The following EHBP1 variants were observed in gnomAD, a reference collection of about 807,000 sequenced individuals.
EHBP1 encodes the protein EH domain binding protein 1, also known as EH domain-binding protein 1.
Under a neutral mutation model 144.0 loss-of-function variants are expected in EHBP1, and 55 were observed. That is an observed-to-expected ratio of 0.38 (90% CI 0.31 to 0.48). EHBP1 has a LOEUF of 0.48. Among genes scored for constraint, EHBP1 ranks in the 20% least tolerant of loss-of-function variants. EHBP1 has a pLI of 0.98. For missense variants in EHBP1, 1,200 were observed against 1,364.2 expected (o/e 0.88, Z 1.90); for synonymous variants, 469 against 472.7 (o/e 0.99, Z 0.10).
At chr2:62,742,485 T>A (rs1398067986) in intron 2 of EHBP1, among the ~76,000 whole-genome samples, 1 of 152,062 alleles carries the variant, frequency 6.6e-6, no homozygotes, top group Non-Finnish European at 1.5e-5. Context: ...CTAAGATACT[T>A]ACCCTGGAGA....
intron 14 of EHBP1, among the ~76,000 whole-genome samples, chr2:62,963,148 C>T (rs758619598): frequency 2.0e-5 from 3 of 152,146 alleles, no homozygotes. Flanking sequence ...CACACAGTGA[C>T]TTTTTTTAAG....
chr2:62,767,638 C>T (rs2041296158), intron 4 of EHBP1, among the ~76,000 whole-genome samples: 1 of 151,732 alleles, frequency 6.6e-6, no homozygotes, highest in African/African-American at 2.4e-5. Flanking sequence ...AGTTCAAGAC[C>T]ATCCTGGGCA....
intron 21 of EHBP1, chr2:63,044,496 T>C (rs2061844926): frequency 6.6e-6 from 1 of 152,118 alleles, no homozygotes; most frequent in Non-Finnish European, 1.5e-5. Flanking sequence ...AAATGCTAAT[T>C]AGCCGATTCA....
At chr2:63,005,361 C>A (rs1412151908) in intron 19 of EHBP1, among the ~76,000 whole-genome samples, 1 of 152,076 alleles carries the variant, frequency 6.6e-6, no homozygotes, top group African/African-American at 2.4e-5. Context: ...ATATGACTTA[C>A]TGCAGGAGAG....
chr2:63,046,460 A>G lies in EHBP1; in HGVS notation c.*960A>G, dbSNP rs1050947551. ...ATACTGAGTCATATATAAATTTTCAATAAAAGCAGAAACTTTCTTACCTTA... is the reference window on the plus strand; with the variant it reads ...ATACTGAGTCATATATAAATTTTCAGTAAAAGCAGAAACTTTCTTACCTTA... On this transcript the variant is annotated 3_prime_UTR_variant, in exon 23 of 23. Coordinates refer to ENST00000431489, the MANE Select transcript of EHBP1 (RefSeq NM_001142616.3). 6.6e-6 allele frequency: 1 copy of G among 152,642 alleles called. No individual in the cohort carries two copies. Among genetic ancestry groups the G allele is most frequent in the Admixed American group, 6.5e-5 (1 of 15,288 alleles). 9.5% of individuals were successfully genotyped at this position (152,642 alleles called of 1,614,324 possible).
At position 62,686,189 on chromosome 2, in the gene EHBP1, C is replaced by A. The variant is rs187714564; in HGVS notation, c.-296+12106C>A. The stretch of plus-strand genomic sequence containing the variant: ...AGTGTGAGTGAGGCTTTGTGCTGAA[C>A]AAAAGGAAGACAGCTCTACATTAAA... On this transcript the variant is annotated intron_variant, in intron 1 of 22. Transcript: ENST00000405015. 2.9e-4 allele frequency among the ~76,000 whole-genome samples: 44 copies of A among 152,272 alleles called. 1 individual carries two copies. In the East Asian group the frequency reaches 8.5e-3, roughly 29 times the overall value.
intron 10 of EHBP1, among the ~76,000 whole-genome samples, chr2:62,935,149 G>A (rs1037942582): frequency 1.3e-5 from 2 of 151,838 alleles, no homozygotes; most frequent in African/African-American, 4.8e-5. Flanking sequence ...CCAACATGGT[G>A]AAACCGTGTC....
intron 1 of EHBP1, among the ~76,000 whole-genome samples, chr2:62,676,571 G>T (rs184137157): frequency 1.8e-4 from 27 of 152,290 alleles, no homozygotes; most frequent in African/African-American, 5.8e-4. Flanking sequence ...ATGATCCTGC[G>T]GGACTGTGTA....
intron 2 of EHBP1, among the ~76,000 whole-genome samples, chr2:62,707,981 T>C (rs1169683751): frequency 2.6e-5 from 4 of 152,200 alleles, no homozygotes; most frequent in African/African-American, 4.8e-5. Flanking sequence ...TCCATTGCCC[T>C]GAATGATAAA....
intron 15 of EHBP1, among the ~76,000 whole-genome samples, chr2:62,990,011 A>C (rs887051670): frequency 2.0e-5 from 3 of 152,140 alleles, no homozygotes; most frequent in African/African-American, 2.4e-5. Flanking sequence ...AATGGTGGAC[A>C]TATCTATTGC....
At chr2:62,766,668 A>C (rs1318973256) in intron 4 of EHBP1, among the ~76,000 whole-genome samples, 1 of 152,002 alleles carries the variant, frequency 6.6e-6, no homozygotes, top group Non-Finnish European at 1.5e-5. Context: ...TTTTGCCTTT[A>C]CTTACTCTAA....
intron 15 of EHBP1, among the ~76,000 whole-genome samples, chr2:62,989,977 C>A (rs1221280503): frequency 6.6e-6 from 1 of 152,046 alleles, no homozygotes; most frequent in African/African-American, 2.4e-5. Flanking sequence ...AGTTATTAAT[C>A]TTTATGAAAA....
chr2:62,746,261 G>A (rs1190713320), intron 2 of EHBP1, among the ~76,000 whole-genome samples: 1 of 151,642 alleles, frequency 6.6e-6, no homozygotes, highest in African/African-American at 2.4e-5. Context: ...TGAACAAGGT[G>A]TTTTTTTTGT....
chr2:62,929,195 A>G (rs1018605090), intron 10 of EHBP1, among the ~76,000 whole-genome samples: 10 of 152,214 alleles, frequency 6.6e-5, no homozygotes, highest in Non-Finnish European at 1.3e-4. Flanking sequence ...AAACGTTTCC[A>G]AAACATTGGA....
chr2:63,000,633 G>T (rs1477517956), intron 19 of EHBP1, among the ~76,000 whole-genome samples: 1 of 152,128 alleles, frequency 6.6e-6, no homozygotes, highest in Non-Finnish European at 1.5e-5. Context: ...GGTAGCGGAG[G>T]TTGTAGTGAG....
chr2:63,040,615 T>G (rs1429524909), intron 21 of EHBP1, among the ~76,000 whole-genome samples: 1 of 152,262 alleles, frequency 6.6e-6, no homozygotes, highest in African/African-American at 2.4e-5. Flanking sequence ...ATTATCATTC[T>G]CTTTTGTGTT....
At chr2:62,884,544 A>T (rs914850059) in intron 10 of EHBP1, among the ~76,000 whole-genome samples, 1 of 152,178 alleles carries the variant, frequency 6.6e-6, no homozygotes, top group African/African-American at 2.4e-5. Context: ...GTGCAAATCC[A>T]TGCTCATTCA....
chr2:62,735,937 A>AT (rs1460921367), intron 2 of EHBP1, among the ~76,000 whole-genome samples: 2 of 151,220 alleles, frequency 1.3e-5, no homozygotes, highest in Middle Eastern at 3.4e-3. Flanking sequence ...TTTTTTCAGG[A>AT]TTTTTTTATC....
chr2:62,752,858 A>T (rs1573135763), intron 3 of EHBP1, among the ~76,000 whole-genome samples: 1 of 152,028 alleles, frequency 6.6e-6, no homozygotes, highest in African/African-American at 2.4e-5. Context: ...TGCTTGGTAG[A>T]TCTTCCTCCA....
Sources: allele counts gnomAD v4.1 joint callset (sites outside exome capture counted in the v4.1 genomes callset), GRCh38; gene constraint gnomAD v4.1.1; transcripts MANE v1.5; gene names NCBI Gene and HGNC (gene_info 2026-07-23, HGNC 2026-07-21).